LRP1B: variants seen among roughly 807,000 people sequenced by gnomAD.
LRP1B encodes low-density lipoprotein receptor-related protein 1B.
A neutral mutation model predicts 556.6 loss-of-function variants in LRP1B; 217 were observed. The observed-to-expected ratio is 0.39, with a 90% CI of 0.35 to 0.44. The LOEUF (loss-of-function observed/expected upper bound fraction) is 0.44. LRP1B is among the 20% of genes least tolerant of loss of function. The pLI is 1.00. For missense variants in LRP1B, 5,053 were observed against 5,620.8 expected (o/e 0.90, Z 3.23); for synonymous variants, 2,047 against 1,865.8 (o/e 1.10, Z -2.50).
rs2105188564 is a variant in LRP1B, at chr2:140,598,677, C to T, written c.7148G>A (p.Ser2383Asn). Reference protein sequence around the residue: ...RAEKLYFSDGSLGKIERCEYD... With the variant: ...RAEKLYFSDGNLGKIERCEYD... ...TTCACACCTTTCAATTTTTCCTAGA[C>T]TGCCATCTGAGAAATACAGCTTCTC... The change falls in exon 43 of 91, where the codon AGT becomes AAT. Residue 2383 changes from serine (S) to asparagine (N), a missense_variant. This residue lies in a region of LRP1B where 3,619 missense variants were observed against 3,931.9 expected (regional missense o/e 0.92). Coordinates refer to ENST00000389484, the MANE Select transcript of LRP1B (RefSeq NM_018557.3). 1 of 1,613,722 alleles carries T rather than the reference C, an allele frequency of 6.2e-7. No individual in the cohort carries two copies. Among genetic ancestry groups the T allele is most frequent in the South Asian group, 1.1e-5 (1 of 91,072 alleles).
intron 1 of LRP1B, among the ~76,000 whole-genome samples, chr2:141,908,124 G>A (rs1267380826): frequency 6.6e-6 from 1 of 151,978 alleles, no homozygotes; most frequent in African/African-American, 2.4e-5. Context: ...ATAAAGATAG[G>A]CATAACTATT....
intron 2 of LRP1B, among the ~76,000 whole-genome samples, chr2:141,730,248 C>T (rs1256714495): frequency 6.6e-6 from 1 of 152,084 alleles, no homozygotes; most frequent in East Asian, 1.9e-4. Flanking sequence ...CCAAATGGAA[C>T]AGTCTTTTAA....
At chr2:141,588,530 T>C (rs1054625276) in intron 2 of LRP1B, among the ~76,000 whole-genome samples, 15 of 152,182 alleles carry the variant, frequency 9.9e-5, no homozygotes, top group Non-Finnish European at 2.9e-5. Flanking sequence ...TTACAGGGAT[T>C]GTTTTAGCCC....
chr2:141,257,052 T>A (rs541162529), intron 3 of LRP1B, among the ~76,000 whole-genome samples: 74 of 151,142 alleles, frequency 4.9e-4, no homozygotes, highest in Non-Finnish European at 9.9e-4. Flanking sequence ...TCACAAAACC[T>A]AAGGAAGAAG....
In LRP1B at chr2:141,735,078, T is replaced by A. The variant is rs1373527900; in HGVS notation, c.205+75201A>T. Among the ~76,000 whole-genome samples the A allele has an allele frequency of 2.6e-5, 4 of 152,254 alleles. No individual in the cohort carries two copies. The East Asian group carries it at 7.7e-4, about 29-fold the overall frequency. Reference sequence around the variant, plus strand: ...TATACCATTGTAAGTAGGAAGAGTTTGTCCTTGGAGAAGCTTTAAAAATCA... The same window carrying A: ...TATACCATTGTAAGTAGGAAGAGTTAGTCCTTGGAGAAGCTTTAAAAATCA... On this transcript the variant is annotated intron_variant, in intron 2 of 90. Coordinates refer to ENST00000389484, the MANE Select transcript of LRP1B (RefSeq NM_018557.3).
intron 7 of LRP1B, among the ~76,000 whole-genome samples, chr2:141,091,856 G>A (rs998787024): frequency 2.3e-4 from 35 of 152,170 alleles, no homozygotes; most frequent in African/African-American, 8.4e-4. Context: ...CTCTGTGGTG[G>A]TAGGAGGTAC....
chr2:141,434,958 A>C (rs369515354), intron 3 of LRP1B, among the ~76,000 whole-genome samples: 1 of 152,100 alleles, frequency 6.6e-6, no homozygotes, highest in Admixed American at 6.6e-5. Flanking sequence ...AGTCCCCTTA[A>C]ATTTGACCCT....
intron 63 of LRP1B, among the ~76,000 whole-genome samples, chr2:140,445,429 T>G (rs1343328139): frequency 6.6e-6 from 1 of 152,148 alleles, no homozygotes; most frequent in Non-Finnish European, 1.5e-5. Flanking sequence ...ATACATATTC[T>G]CCAGCACAAC....
At chr2:141,724,466 G>A (rs564807861) in intron 2 of LRP1B, among the ~76,000 whole-genome samples, 8 of 151,736 alleles carry the variant, frequency 5.3e-5, no homozygotes, top group African/African-American at 1.7e-4. Flanking sequence ...TCATTTCTTC[G>A]TAATGCTATA....
intron 35 of LRP1B, among the ~76,000 whole-genome samples, chr2:140,736,823 G>A (rs977379945): frequency 6.6e-6 from 1 of 152,134 alleles, no homozygotes; most frequent in Admixed American, 6.6e-5. Flanking sequence ...AATATCCATT[G>A]TTTTGAACCC....
intron 31 of LRP1B, among the ~76,000 whole-genome samples, chr2:140,822,566 G>C (rs1691364066): frequency 6.6e-6 from 1 of 152,176 alleles, no homozygotes; most frequent in Admixed American, 6.5e-5. Flanking sequence ...TAAAGATTCA[G>C]AAATAATTAA....
At chr2:141,579,615 A>C (rs906350899) in intron 2 of LRP1B, among the ~76,000 whole-genome samples, 2 of 151,988 alleles carry the variant, frequency 1.3e-5, no homozygotes, top group Non-Finnish European at 2.9e-5. Flanking sequence ...TTGAATGTTG[A>C]ATTCAAATTA....
intron 1 of LRP1B, among the ~76,000 whole-genome samples, chr2:142,002,316 A>G (rs1056983253): frequency 1.3e-5 from 2 of 152,072 alleles, no homozygotes; most frequent in African/African-American, 2.4e-5. Context: ...CAAAATTGGG[A>G]GAGTTTTACT....
In LRP1B at chr2:141,117,360, C is replaced by T. The variant is rs1181053446; in HGVS notation, c.1014-55087G>A. Among the ~76,000 whole-genome samples the T allele has an allele frequency of 2.0e-5, 3 of 151,284 alleles. No homozygotes were observed. The East Asian group carries it at 5.8e-4, about 29-fold the overall frequency. ...ACTTTTAGTGGAGTTTCTTTTAAAA[C>T]ACTAGTACTGTAGTCTTTAAACATG... is the stretch of plus-strand genomic sequence containing the variant. On this transcript the variant is annotated intron_variant, in intron 7 of 90. Coordinates refer to ENST00000389484, the MANE Select transcript of LRP1B (RefSeq NM_018557.3).
intron 7 of LRP1B, among the ~76,000 whole-genome samples, chr2:141,101,314 G>T (rs1014652921): frequency 2.6e-5 from 4 of 152,100 alleles, no homozygotes; most frequent in African/African-American, 9.7e-5. Flanking sequence ...CAAGGTACTA[G>T]TGTAGGAAAA....
At chr2:140,325,250 C>A (rs188935774) in intron 80 of LRP1B, among the ~76,000 whole-genome samples, 1 of 151,900 alleles carries the variant, frequency 6.6e-6, no homozygotes, top group Non-Finnish European at 1.5e-5. Flanking sequence ...GGCATAAAAC[C>A]GGTATAGCAA....
chr2:140,357,675 A>T (rs1259535147), intron 74 of LRP1B, among the ~76,000 whole-genome samples: 1 of 151,582 alleles, frequency 6.6e-6, no homozygotes, highest in African/African-American at 2.4e-5. Context: ...CTTAACACTA[A>T]ATTTGTATAA....
chr2:141,348,103 T>C (rs1352814607), intron 3 of LRP1B, among the ~76,000 whole-genome samples: 1 of 152,088 alleles, frequency 6.6e-6, no homozygotes, highest in Non-Finnish European at 1.5e-5. Context: ...TCACACTTAG[T>C]GTCATTTGTA....
intron 2 of LRP1B, among the ~76,000 whole-genome samples, chr2:141,528,564 A>G (rs1684768691): frequency 6.6e-6 from 1 of 152,190 alleles, no homozygotes; most frequent in Non-Finnish European, 1.5e-5. Flanking sequence ...ATAAACATGC[A>G]TATGAAAATA....
Sources: allele counts gnomAD v4.1 joint callset (sites outside exome capture counted in the v4.1 genomes callset), GRCh38; gene constraint gnomAD v4.1.1; regional missense constraint gnomAD v4.1.1; transcripts MANE v1.5; gene names NCBI Gene and HGNC (gene_info 2026-07-23, HGNC 2026-07-21).